The following FCHO1 variants were observed in gnomAD, a reference collection of about 807,000 sequenced individuals.
FCHO1 encodes the protein FCH and mu domain containing endocytic adaptor 1.
FCHO1 carries 45 observed loss-of-function variants against 114.4 expected under a neutral mutation model. The observed-to-expected ratio is 0.39, with a 90% CI of 0.31 to 0.50. The LOEUF (loss-of-function observed/expected upper bound fraction) is 0.50. FCHO1 is among the 20% of genes least tolerant of loss of function. FCHO1 has a pLI of 0.77. For synonymous variants in FCHO1, 480 were observed against 488.9 expected (o/e 0.98, Z 0.24); for missense variants, 1,042 against 1,209.6 (o/e 0.86, Z 2.06).
chr19:17,756,261 G>T (rs1188690064), intron 4 of FCHO1, among the ~76,000 whole-genome samples: 1 of 152,148 alleles, frequency 6.6e-6, no homozygotes, highest in Non-Finnish European at 1.5e-5. Flanking sequence ...CAGACTCCCC[G>T]ATTTGCCCCT....
chr19:17,780,762 G>A lies in FCHO1; in HGVS notation c.1628-469G>A, dbSNP rs558109907. ...TGGGAGGGGAGGTTGGCAAGCAAGG[G>A]AGCACGTTCATAGATGGAACAGAAC... On this transcript the variant is annotated intron_variant, in intron 20 of 28. Coordinates refer to ENST00000596536, the MANE Select transcript of FCHO1 (RefSeq NM_015122.3). 2.0e-5 allele frequency among the ~76,000 whole-genome samples: 3 copies of A among 152,254 alleles called. No individual in the cohort carries two copies. The South Asian group carries it at 6.2e-4, about 32-fold the overall frequency.
chr19:17,762,775 A>G lies in FCHO1; in HGVS notation c.41A>G (p.His14Arg), dbSNP rs753374158. 1.2e-6 allele frequency: 2 copies of G among 1,613,488 alleles called. No homozygotes were observed. Among genetic ancestry groups the G allele is most frequent in the Non-Finnish European group, 1.7e-6 (2 of 1,179,582 alleles). Reference protein sequence around the residue: ...FGEHFWGEKNHGFEVLYHSVK... With the variant: ...FGEHFWGEKNRGFEVLYHSVK... Reference sequence around the variant, plus strand: ...CATCCCCTGCAGGGCGAGAAAAATCATGGCTTTGAGGTCCTGTACCACAGC... The same window carrying G: ...CATCCCCTGCAGGGCGAGAAAAATCGTGGCTTTGAGGTCCTGTACCACAGC... The change falls in exon 5 of 29, where the codon CAT (histidine) becomes CGT (arginine). Residue 14 changes from histidine (H) to arginine (R), a missense_variant. Transcript: ENST00000596536.
intron 4 of FCHO1, among the ~76,000 whole-genome samples, chr19:17,756,536 G>C (rs1310958822): frequency 6.6e-6 from 1 of 152,180 alleles, no homozygotes; most frequent in Admixed American, 6.5e-5. Context: ...ATGGTTAAGA[G>C]CTTTGAGTTC....
rs747188478 is a variant in FCHO1, at chr19:17,766,783, C to T, written c.309C>T (p.Gly103=). The T allele has an allele frequency of 2.5e-6, 4 of 1,613,962 alleles. No homozygotes were observed. Among genetic ancestry groups the T allele is most frequent in the South Asian group, 1.1e-5 (1 of 91,068 alleles). ...QDLIKDVLRY[G]EEQLKTHKKC... ...TCATCAAGGACGTTCTCCGCTACGG[C>T]GAGGAACAGCTCAAGACCCACAAGA... The change falls in exon 7 of 29, where the codon GGC becomes GGT. Residue 103 remains glycine (G), a synonymous_variant. Coordinates refer to ENST00000596536, the MANE Select transcript of FCHO1 (RefSeq NM_015122.3).
In FCHO1 at chr19:17,774,483, G is replaced by A. The variant is rs1420940113; in HGVS notation, c.920+5G>A. ...GCCAGAGCCACCTGCAGCTGTGTGAGGAAGCACCCCTGCCCGGTCTGGCCC... is the reference window on the plus strand; with the variant it reads ...GCCAGAGCCACCTGCAGCTGTGTGAAGAAGCACCCCTGCCCGGTCTGGCCC... On this transcript the variant is annotated splice_donor_5th_base_variant and intron_variant, in intron 13 of 28. Coordinates refer to ENST00000596536, the MANE Select transcript of FCHO1 (RefSeq NM_015122.3). 6.2e-7 allele frequency: 1 copy of A among 1,612,022 alleles called. No homozygotes were observed. The highest frequency in any genetic ancestry group is 8.5e-7 in the Non-Finnish European group (1 of 1,179,578).
At chr19:17,787,963 G>C in intron 28 of FCHO1, 117 bp downstream of exon 28, 1 of 1,291,284 alleles carries the variant, frequency 7.7e-7, no homozygotes, top group East Asian at 2.5e-5. Flanking sequence ...GGTGGGTGTT[G>C]GGGCCAGGAG....
In FCHO1 at chr19:17,781,247, T is replaced by G. The variant is rs1363264892; in HGVS notation, c.1644T>G (p.Pro548=). 6.2e-7 allele frequency: 1 copy of G among 1,613,354 alleles called. No homozygotes were observed. The highest frequency in any genetic ancestry group is 1.3e-5 in the African/African-American group (1 of 74,902). ...CGCTCCTAGACCTGATGCCTGCACC[T>G]GCTGACCCCACAGCCAGGGAGGGCC... The part of the protein sequence containing the change: ...ALAGGDLMPA[P]ADPTAREGLA... Residue 548 remains proline (P), a synonymous_variant, in exon 21 of 29, where the codon CCT becomes CCG. Coordinates refer to ENST00000596536, the MANE Select transcript of FCHO1 (RefSeq NM_015122.3).
chr19:17,777,585 G>T (rs1029026354), intron 18 of FCHO1, among the ~76,000 whole-genome samples: 2 of 145,932 alleles, frequency 1.4e-5, no homozygotes, highest in Non-Finnish European at 3.0e-5. Flanking sequence ...GAGCATATTC[G>T]ATACTTCTAA....
Position 17,788,381 on chromosome 19 carries a change from C to A in FCHO1, c.*75C>A, listed in dbSNP as rs576089980. 4.5e-4 allele frequency: 516 copies of A among 1,149,142 alleles called. 2 individuals are homozygous for A. The highest frequency in any genetic ancestry group is 3.3e-3 in the Middle Eastern group (12 of 3,656). 71.2% of individuals were successfully genotyped at this position (1,149,142 alleles called of 1,614,324 possible). On this transcript the variant is annotated 3_prime_UTR_variant, in exon 29 of 29. Coordinates refer to ENST00000596536, the MANE Select transcript of FCHO1 (RefSeq NM_015122.3). ...GACCACCCCCTGCCCTCCTGCCGGACCCTGGGGCCTCCCACCCCAGCCTCC... is the reference window on the plus strand; with the variant it reads ...GACCACCCCCTGCCCTCCTGCCGGAACCTGGGGCCTCCCACCCCAGCCTCC...
intron 7 of FCHO1, among the ~76,000 whole-genome samples, chr19:17,769,627 ACACACAAAACG>A (rs1568341760): frequency 2.3e-5 from 3 of 130,322 alleles, no homozygotes; most frequent in Admixed American, 2.3e-4. Flanking sequence ...ACACACACAC[ACACACAAAACG>A]GTGAGTTAAG....
Position 17,762,214 on chromosome 19 carries a change from G to C in FCHO1, c.28-548G>C, listed in dbSNP as rs142508653. On this transcript the variant is annotated intron_variant, in intron 4 of 28. Coordinates refer to ENST00000596536, the MANE Select transcript of FCHO1 (RefSeq NM_015122.3). Reference sequence around the variant, plus strand: ...TTGGCCAGGCTGGTCTCGAACTCCTGACCTCAAGTGAACCACCCACCTTGG... The same window carrying C: ...TTGGCCAGGCTGGTCTCGAACTCCTCACCTCAAGTGAACCACCCACCTTGG... Among the ~76,000 whole-genome samples, 570 of 152,118 alleles carry C rather than the reference G, an allele frequency of 3.7e-3. 2 individuals carry two copies. Among genetic ancestry groups the C allele is most frequent in the Middle Eastern group, 0.017 (5 of 292 alleles).
chr19:17,756,793 C>G (rs1599551403), intron 4 of FCHO1, among the ~76,000 whole-genome samples: 1 of 152,226 alleles, frequency 6.6e-6, no homozygotes, highest in African/African-American at 2.4e-5. Flanking sequence ...ACAGGGATGC[C>G]CCAGTCTCAT....
At chr19:17,768,618 T>G (rs12974115) in intron 7 of FCHO1, among the ~76,000 whole-genome samples, 2 of 151,036 alleles carry the variant, frequency 1.3e-5, no homozygotes, top group South Asian at 2.1e-4. Flanking sequence ...GACTTGAGCC[T>G]GGGAGGTGGA....
At chr19:17,763,815 G>A (rs1468935546) in intron 5 of FCHO1, among the ~76,000 whole-genome samples, 2 of 151,708 alleles carry the variant, frequency 1.3e-5, no homozygotes, top group East Asian at 1.9e-4. Context: ...CTCCTGCCTC[G>A]GCCTCCCAAA....
chr19:17,778,965 C>G, intron 20 of FCHO1, 81 bp downstream of exon 20: 5 of 1,391,140 alleles, frequency 3.6e-6, no homozygotes, highest in Non-Finnish European at 4.7e-6. Context: ...AGGGCCTGAT[C>G]AGGCTGCTGG....
At chr19:17,756,093 G>A (rs944758983) in intron 4 of FCHO1, among the ~76,000 whole-genome samples, 2 of 152,200 alleles carry the variant, frequency 1.3e-5, no homozygotes, top group Non-Finnish European at 2.9e-5. Flanking sequence ...CAGTGAGGAA[G>A]CCTGTTGCTA....
upstream of FCHO1, chr19:17,747,863 C>G: frequency 6.6e-6 from 1 of 152,284 alleles, no homozygotes; most frequent in Non-Finnish European, 1.5e-5. Flanking sequence ...CCCGCGCAGC[C>G]TCCCACGCGC....
intron 23 of FCHO1, among the ~76,000 whole-genome samples, 167 bp downstream of exon 23, chr19:17,781,987 CTTTTTTTT>C (rs67498129): frequency 2.4e-5 from 3 of 126,030 alleles, no homozygotes; most frequent in Admixed American, 7.7e-5. Flanking sequence ...ATAGGAGGGC[CTTTTTTTT>C]TTTTTTTTTT....
intron 4 of FCHO1, among the ~76,000 whole-genome samples, chr19:17,757,915 CAAA>C (rs71162192): frequency 1.5e-3 from 117 of 77,876 alleles, no homozygotes; most frequent in Non-Finnish European, 1.8e-3. Flanking sequence ...GACCCTGTCT[CAAA>C]AAAAAAAAAA....
Sources: allele counts gnomAD v4.1 joint callset (sites outside exome capture counted in the v4.1 genomes callset), GRCh38; gene constraint gnomAD v4.1.1; transcripts MANE v1.5; gene names NCBI Gene and HGNC (gene_info 2026-07-23, HGNC 2026-07-21).